Variants in CAMTA1 observed in about 807,000 individuals in gnomAD.
CAMTA1 encodes the protein calmodulin binding transcription activator 1.
Under a neutral mutation model 170.9 loss-of-function variants are expected in CAMTA1, and 27 were observed. The observed-to-expected ratio is 0.16, with a 90% CI of 0.12 to 0.22. The LOEUF is 0.22. Ranked by LOEUF, CAMTA1 falls within the 10% of genes least tolerant of loss-of-function variation. The pLI, the probability that CAMTA1 is intolerant of heterozygous loss-of-function variation, is 1.00. For synonymous variants in CAMTA1, 833 were observed against 891.5 expected, an observed-to-expected ratio of 0.93 and a Z score of 1.17; for missense variants, 1,619 against 2,217.2, an observed-to-expected ratio of 0.73 and a Z score of 5.42.
intron 5 of CAMTA1, among the ~76,000 whole-genome samples, chr1:7,385,020 G>A (rs2087770794): frequency 2.0e-5 from 3 of 151,888 alleles, no homozygotes; most frequent in Non-Finnish European, 4.4e-5. Flanking sequence ...TGCACCAGCT[G>A]GAAGTTGGAC....
chr1:7,301,342 A>G (rs1214746190), intron 5 of CAMTA1, among the ~76,000 whole-genome samples: 2 of 152,212 alleles, frequency 1.3e-5, no homozygotes, highest in African/African-American at 4.8e-5. Context: ...TCAGGGTGAT[A>G]GTTTGGAAAA....
intron 5 of CAMTA1, among the ~76,000 whole-genome samples, chr1:7,432,771 C>T (rs1277023128): frequency 6.6e-6 from 1 of 152,254 alleles, no homozygotes; most frequent in African/African-American, 2.4e-5. Flanking sequence ...GGCCCTGCAT[C>T]TCCTGTTATC....
chr1:7,647,404 AC>A, intron 7 of CAMTA1, among the ~76,000 whole-genome samples: 1 of 152,202 alleles, frequency 6.6e-6, no homozygotes, highest in East Asian at 1.9e-4. Context: ...TTCCTGGTCG[AC>A]CAGCGCCACC....
At chr1:7,201,623 C>A (rs987915854) in intron 4 of CAMTA1, among the ~76,000 whole-genome samples, 1 of 152,116 alleles carries the variant, frequency 6.6e-6, no homozygotes, top group African/African-American at 2.4e-5. Flanking sequence ...GTGAATCTCC[C>A]TGATAGCTAA....
intron 3 of CAMTA1, among the ~76,000 whole-genome samples, chr1:6,838,299 A>G (rs1433627909): frequency 6.6e-6 from 1 of 152,218 alleles, no homozygotes; most frequent in African/African-American, 2.4e-5. Context: ...CCTGTGTGCA[A>G]ATGGATTCCC....
At chr1:7,005,603 GA>G (rs1698880344) in intron 3 of CAMTA1, among the ~76,000 whole-genome samples, 1 of 152,190 alleles carries the variant, frequency 6.6e-6, no homozygotes, top group African/African-American at 2.4e-5. Flanking sequence ...GGGTATGGGG[GA>G]AAGCTTGATT....
intron 3 of CAMTA1, among the ~76,000 whole-genome samples, chr1:6,860,138 A>G (rs1664105706): frequency 6.6e-6 from 1 of 151,898 alleles, no homozygotes; most frequent in Non-Finnish European, 1.5e-5. Flanking sequence ...AGTCATCTGT[A>G]TTTCAGTCTT....
intron 5 of CAMTA1, among the ~76,000 whole-genome samples, chr1:7,364,047 G>A (rs560799599): frequency 2.6e-5 from 4 of 152,294 alleles, no homozygotes; most frequent in Admixed American, 2.6e-4. Flanking sequence ...CTCTTCCAGG[G>A]TAGCTCATGG....
intron 3 of CAMTA1, among the ~76,000 whole-genome samples, chr1:6,881,397 A>G (rs553386299): frequency 1.2e-4 from 19 of 152,216 alleles, no homozygotes; most frequent in Non-Finnish European, 2.6e-4. Context: ...CACCGTGACC[A>G]CGTAGGTGTC....
At chr1:6,846,194 T>C (rs1228890421) in intron 3 of CAMTA1, among the ~76,000 whole-genome samples, 2 of 152,232 alleles carry the variant, frequency 1.3e-5, no homozygotes, top group African/African-American at 4.8e-5. Context: ...TTTTCTCACT[T>C]TTCACCATGT....
At chr1:7,724,558 C>T (rs564420224) in intron 11 of CAMTA1, among the ~76,000 whole-genome samples, 30 of 152,232 alleles carry the variant, frequency 2.0e-4, no homozygotes, top group African/African-American at 4.6e-4. Flanking sequence ...ATGGGCCGGG[C>T]GCGGTGGCTC....
At chr1:7,055,342 T>G (rs888487332) in intron 3 of CAMTA1, among the ~76,000 whole-genome samples, 6 of 152,182 alleles carry the variant, frequency 3.9e-5, no homozygotes, top group African/African-American at 1.4e-4. Flanking sequence ...ACAGCAGTGT[T>G]GAGCATCTGT....
chr1:7,703,579 G>C (rs538492976), intron 11 of CAMTA1, among the ~76,000 whole-genome samples: 4 of 152,286 alleles, frequency 2.6e-5, no homozygotes, highest in Admixed American at 6.5e-5. Context: ...TTGTTTCTGT[G>C]TGCGTTTGGG....
chr1:7,119,668 G>A (rs1644532797), intron 4 of CAMTA1, among the ~76,000 whole-genome samples: 2 of 152,176 alleles, frequency 1.3e-5, no homozygotes, highest in Admixed American at 1.3e-4. Context: ...GCCTCTTGAT[G>A]CCAGACTAGA....
intron 3 of CAMTA1, among the ~76,000 whole-genome samples, chr1:6,836,682 G>C (rs1653301166): frequency 6.6e-6 from 1 of 152,176 alleles, no homozygotes; most frequent in Non-Finnish European, 1.5e-5. Flanking sequence ...TCTGAGGCAA[G>C]CTTCATTTGG....
chr1:6,895,542 A>G (rs935994579), intron 3 of CAMTA1, among the ~76,000 whole-genome samples: 6 of 152,220 alleles, frequency 3.9e-5, no homozygotes, highest in African/African-American at 1.4e-4. Context: ...TAAACCCTAC[A>G]GTGACTTTCT....
At chr1:7,739,225 G>A (rs554073090) in intron 16 of CAMTA1, among the ~76,000 whole-genome samples, 18 of 152,128 alleles carry the variant, frequency 1.2e-4, no homozygotes, top group Admixed American at 4.6e-4. Context: ...GAAAAAAAAC[G>A]ACTCAGAATT....
chr1:7,555,822 T>C (rs2094868744), intron 6 of CAMTA1, among the ~76,000 whole-genome samples: 1 of 152,148 alleles, frequency 6.6e-6, no homozygotes, highest in Admixed American at 6.5e-5. Context: ...GTCCACCTGT[T>C]CTCCTAAATG....
intron 5 of CAMTA1, among the ~76,000 whole-genome samples, chr1:7,452,536 C>T (rs942261966): frequency 1.3e-5 from 2 of 152,234 alleles, no homozygotes; most frequent in African/African-American, 4.8e-5. Flanking sequence ...CTTCTTCCCT[C>T]CCTCTGCCTC....
Sources: gnomAD v4.1 joint callset for allele counts (sites outside exome capture counted in the v4.1 genomes callset) on GRCh38, gnomAD v4.1.1 for gene constraint, MANE v1.5 for transcripts, NCBI Gene and HGNC (gene_info 2026-07-23, HGNC 2026-07-21) for gene names.